The following TRIM37 variants were observed in gnomAD, a reference collection of about 807,000 sequenced individuals.
TRIM37 encodes tripartite motif containing 37.
In TRIM37, 80 loss-of-function variants were observed where a neutral mutation model predicts 129.8. The observed-to-expected ratio is 0.62, with a 90% CI of 0.51 to 0.74. The LOEUF (loss-of-function observed/expected upper bound fraction) is 0.74, where lower values mean the gene tolerates loss of function less well. Among genes scored for constraint, TRIM37 ranks in the 30% least tolerant of loss-of-function variants. TRIM37 has a pLI of 0.00. For synonymous variants in TRIM37, 389 were observed against 387.1 expected (o/e 1.00, Z -0.06); for missense variants, 1,054 against 1,176.5 (o/e 0.90, Z 1.52).
intron 4 of TRIM37, among the ~76,000 whole-genome samples, chr17:59,085,557 T>C (rs541039305): frequency 6.6e-6 from 1 of 152,246 alleles, no homozygotes; most frequent in South Asian, 2.1e-4. Context: ...TTGGCCAGGA[T>C]GTGGAGAAAC....
At position 59,062,619 on chromosome 17, in the gene TRIM37, T is replaced by C. The variant is rs756905419; in HGVS notation, c.890A>G (p.Tyr297Cys). 3.7e-6 allele frequency: 6 copies of C among 1,614,050 alleles called. No individual in the cohort carries two copies. The highest frequency in any genetic ancestry group is 5.1e-6 in the Non-Finnish European group (6 of 1,179,978). ...TCCTGAAACTTGAAGAGGTGGACTG[T>C]AAACAGGATCTGCTCTCTGACGCAA... The part of the protein sequence containing the change: ...STLRQRADPV[Y>C]SPPLQVSGLC... The change falls in exon 11 of 24, where the codon TAC (tyrosine) becomes TGC (cysteine). Residue 297 changes from tyrosine to cysteine, a missense_variant. By Grantham distance (194) the Tyr-to-Cys change is radical. Around this residue, in one of 3 missense-constraint regions of TRIM37, gnomAD observed 752 missense variants for 870.8 expected, o/e 0.86. Coordinates refer to ENST00000262294, the MANE Select transcript of TRIM37 (RefSeq NM_015294.6).
rs2046046630 is a variant in TRIM37, at chr17:59,106,813, G to A, written c.-352C>T. 8.3e-6 allele frequency: 4 copies of A among 482,864 alleles called. No individual in the cohort carries two copies. The highest frequency in any genetic ancestry group is 2.3e-5 in the South Asian group (1 of 43,048). 29.9% of individuals were successfully genotyped at this position (482,864 alleles called of 1,614,324 possible). A position where few individuals can be genotyped will look rare whatever the true frequency, so the allele number is the denominator to read the frequency against. On this transcript the variant is annotated 5_prime_UTR_variant, in exon 1 of 24. Coordinates refer to ENST00000262294, the MANE Select transcript of TRIM37 (RefSeq NM_015294.6). ...GACGGTGGAGTTCAGCGAAGAAGGT[G>A]CCGCAGAGAATTCGCAAACACCAAC...
intron 3 of TRIM37, chr17:59,090,190 C>G (rs763932890): frequency 6.6e-6 from 1 of 152,032 alleles, no homozygotes; most frequent in East Asian, 1.9e-4. Flanking sequence ...GTAGAGATAA[C>G]CTAAATGTCT....
At chr17:58,987,042 G>C (rs991939883) in intron 24 of TRIM37, among the ~76,000 whole-genome samples, 4 of 152,124 alleles carry the variant, frequency 2.6e-5, no homozygotes, top group African/African-American at 7.2e-5. Flanking sequence ...TGCTGCCCCA[G>C]TCACGCAACC....
chr17:58,999,526 C>T, intron 23 of TRIM37, 67 bp from the exon 24 acceptor site: 1 of 1,330,620 alleles, frequency 7.5e-7, no homozygotes, highest in Non-Finnish European at 1.0e-6. Flanking sequence ...TATTTTCCTT[C>T]CCAAGTCTTT....
At chr17:59,032,638 A>G (rs2038014551) in intron 17 of TRIM37, among the ~76,000 whole-genome samples, 1 of 151,992 alleles carries the variant, frequency 6.6e-6, no homozygotes, top group African/African-American at 2.4e-5. Flanking sequence ...GCAAGCCTCA[A>G]CCCCATCCTG....
At chr17:59,070,315 A>G (rs1441099726) in intron 9 of TRIM37, among the ~76,000 whole-genome samples, 1 of 152,178 alleles carries the variant, frequency 6.6e-6, no homozygotes, top group African/African-American at 2.4e-5. Context: ...CGTCACCTTC[A>G]AATTCTTTTG....
chr17:59,062,113 G>A (rs1238073665), intron 11 of TRIM37, among the ~76,000 whole-genome samples: 2 of 151,764 alleles, frequency 1.3e-5, no homozygotes, highest in Non-Finnish European at 2.9e-5. Flanking sequence ...GCTAAAATGT[G>A]TAATAGTAAA....
intron 16 of TRIM37, among the ~76,000 whole-genome samples, chr17:59,043,787 T>C (rs985035086): frequency 1.5e-4 from 23 of 152,268 alleles, no homozygotes; most frequent in Admixed American, 1.4e-3. Flanking sequence ...GTCCCCAACA[T>C]CCAGTTAGCT....
chr17:59,003,922 TAAAAAAAAAA>T (rs60843441), intron 22 of TRIM37, among the ~76,000 whole-genome samples: 2 of 89,580 alleles, frequency 2.2e-5, no homozygotes, highest in African/African-American at 4.3e-5. Flanking sequence ...CCCATCTCTA[TAAAAAAAAAA>T]AAAAAAAAAA....
chr17:59,103,216 G>A (rs1345290515), intron 2 of TRIM37, among the ~76,000 whole-genome samples: 1 of 152,104 alleles, frequency 6.6e-6, no homozygotes, highest in African/African-American at 2.4e-5. Context: ...TGACCTCTTT[G>A]ATTTTCTCAG....
intron 9 of TRIM37, among the ~76,000 whole-genome samples, chr17:59,068,573 T>G (rs546814095): frequency 3.3e-5 from 5 of 152,352 alleles, no homozygotes; most frequent in African/African-American, 1.2e-4. Context: ...TTGGTGAACA[T>G]TCTTCAACCA....
At chr17:59,064,170 G>A (rs549209867) in intron 10 of TRIM37, 185 bp downstream of exon 10, 1 of 557,002 alleles carries the variant, frequency 1.8e-6, no homozygotes, top group South Asian at 2.8e-5. Flanking sequence ...TAGAGAAGCA[G>A]TCAGTCTAAA....
At chr17:59,027,118 CCT>C (rs1001418934) in intron 19 of TRIM37, among the ~76,000 whole-genome samples, 14 of 152,144 alleles carry the variant, frequency 9.2e-5, no homozygotes, top group Non-Finnish European at 1.6e-4. Context: ...CCAGCATTGA[CCT>C]CTCTCTGAGT....
chr17:58,977,092 A>G, the TRIM37 span, among the ~76,000 whole-genome samples: 1 of 152,132 alleles, frequency 6.6e-6, no homozygotes, highest in South Asian at 2.1e-4. Flanking sequence ...TTAGCATATA[A>G]GTGAAGTTGA....
At chr17:59,104,234 T>C in intron 2 of TRIM37, 59 bp downstream of exon 2, 1 of 1,490,468 alleles carries the variant, frequency 6.7e-7, no homozygotes, top group Non-Finnish European at 9.3e-7. Flanking sequence ...AGGGAAATGG[T>C]TAATCCTTAC....
chr17:59,057,188 A>T (rs913908677), intron 12 of TRIM37, 134 bp from the exon 13 acceptor site: 47 of 766,768 alleles, frequency 6.1e-5, no homozygotes, highest in Non-Finnish European at 1.3e-5. Flanking sequence ...CATTTCTTTT[A>T]TCATTTATAA....
At chr17:59,042,692 G>A (rs2039384521) in intron 16 of TRIM37, among the ~76,000 whole-genome samples, 1 of 149,242 alleles carries the variant, frequency 6.7e-6, no homozygotes. Context: ...GAACCCGGGA[G>A]GTGGAGGTTG....
chr17:59,041,537 T>C (rs1224557223), intron 17 of TRIM37, among the ~76,000 whole-genome samples: 1 of 152,246 alleles, frequency 6.6e-6, no homozygotes, highest in Non-Finnish European at 1.5e-5. Flanking sequence ...TTAATTTCTC[T>C]ATGCATCAGT....
Sources: allele counts gnomAD v4.1 joint callset (sites outside exome capture counted in the v4.1 genomes callset), GRCh38; gene constraint gnomAD v4.1.1; regional missense constraint gnomAD v4.1.1; transcripts MANE v1.5; gene names NCBI Gene and HGNC (gene_info 2026-07-23, HGNC 2026-07-21).